The following REDIC1 variants were observed in gnomAD, a reference collection of about 807,000 sequenced individuals.
REDIC1 encodes HEI10 Interacting Protein 1.
chr12:39,681,366 A>G, the REDIC1 span, among the ~76,000 whole-genome samples: 1 of 152,220 alleles, frequency 6.6e-6, no homozygotes, highest in African/African-American at 2.4e-5. Flanking sequence ...CATTGGGTAC[A>G]GTGTACACTG....
chr12:39,716,917 A>G, the REDIC1 span: 16 of 959,600 alleles, frequency 1.7e-5, no homozygotes, highest in Non-Finnish European at 2.1e-5. Flanking sequence ...CCTTTACCCT[A>G]TAAAACTGTT....
chr12:39,799,758 T>A, the REDIC1 span, among the ~76,000 whole-genome samples: 2 of 152,212 alleles, frequency 1.3e-5, no homozygotes, highest in African/African-American at 4.8e-5. Flanking sequence ...CAAGAACGTG[T>A]TTTGAGACAA....
the REDIC1 span, among the ~76,000 whole-genome samples, chr12:39,811,660 A>T: frequency 1.3e-5 from 2 of 152,160 alleles, no homozygotes; most frequent in African/African-American, 4.8e-5. Flanking sequence ...CTATTATTAG[A>T]GGAATATACA....
At chr12:39,777,090 C>T in the REDIC1 span, among the ~76,000 whole-genome samples, 4 of 152,168 alleles carry the variant, frequency 2.6e-5, no homozygotes, top group East Asian at 1.9e-4. Context: ...GAATCATATT[C>T]GGAATCTGCG....
chr12:39,827,206 G>C, the REDIC1 span, among the ~76,000 whole-genome samples: 1 of 151,856 alleles, frequency 6.6e-6, no homozygotes, highest in Non-Finnish European at 1.5e-5. Context: ...ATTTGTTTAC[G>C]TTTCTCAACT....
the REDIC1 span, among the ~76,000 whole-genome samples, chr12:39,741,741 G>C: frequency 3.5e-4 from 53 of 152,282 alleles, no homozygotes; most frequent in Non-Finnish European, 5.4e-4. Context: ...TTAAGTGGGG[G>C]CTTATAGGTT....
the REDIC1 span, among the ~76,000 whole-genome samples, chr12:39,899,626 A>C: frequency 6.6e-6 from 1 of 152,056 alleles, no homozygotes; most frequent in Non-Finnish European, 1.5e-5. Context: ...TTAGTGCTAT[A>C]AATTTCCCTC....
chr12:39,839,025 C>T, the REDIC1 span, among the ~76,000 whole-genome samples: 1 of 152,004 alleles, frequency 6.6e-6, no homozygotes, highest in South Asian at 2.1e-4. Flanking sequence ...TAATTGTGCT[C>T]ACTCACTCCT....
the REDIC1 span, among the ~76,000 whole-genome samples, chr12:39,654,581 C>G: frequency 2.0e-5 from 3 of 150,662 alleles, no homozygotes; most frequent in South Asian, 6.3e-4. Context: ...AAGTGAGACT[C>G]TGTCTTAAAA....
chr12:39,785,577 G>A, the REDIC1 span, among the ~76,000 whole-genome samples: 3 of 152,184 alleles, frequency 2.0e-5, no homozygotes, highest in Non-Finnish European at 2.9e-5. Context: ...ACTGCCTGGT[G>A]GAGCTGTGAG....
At chr12:39,661,917 A>G in the REDIC1 span, among the ~76,000 whole-genome samples, 337 of 152,074 alleles carry the variant, frequency 2.2e-3, no homozygotes, top group Admixed American at 3.9e-3. Flanking sequence ...CCTTTCCCCA[A>G]GATATATTTG....
the REDIC1 span, among the ~76,000 whole-genome samples, chr12:39,702,419 A>C: frequency 1.3e-5 from 2 of 152,202 alleles, no homozygotes; most frequent in Admixed American, 6.5e-5. Flanking sequence ...CAATAACAGG[A>C]TCTGAAATTG....
chr12:39,641,057 C>T, the REDIC1 span: 1 of 1,291,268 alleles, frequency 7.7e-7, no homozygotes, highest in Non-Finnish European at 1.1e-6. Context: ...AAGTGCTTTT[C>T]TACCACTAAT....
At chr12:39,637,981 C>A in the REDIC1 span, among the ~76,000 whole-genome samples, 1 of 151,946 alleles carries the variant, frequency 6.6e-6, no homozygotes, top group Non-Finnish European at 1.5e-5. Context: ...CATTTGTGTT[C>A]TTTGGCATAC....
At chr12:39,712,105 T>C in the REDIC1 span, among the ~76,000 whole-genome samples, 14 of 133,722 alleles carry the variant, frequency 1.0e-4, no homozygotes, top group South Asian at 2.9e-3. Flanking sequence ...TATATACCTG[T>C]ATATATACCT....
chr12:39,895,990 A>G, the REDIC1 span, among the ~76,000 whole-genome samples: 4 of 131,804 alleles, frequency 3.0e-5, no homozygotes, highest in African/African-American at 8.7e-5. Flanking sequence ...ACATACATTC[A>G]TATATGTGTA....
At chr12:39,659,117 T>C in the REDIC1 span, among the ~76,000 whole-genome samples, 23 of 152,034 alleles carry the variant, frequency 1.5e-4, no homozygotes, top group African/African-American at 5.3e-4. Context: ...TATTTGCAAA[T>C]TTCTGTTTTT....
the REDIC1 span, among the ~76,000 whole-genome samples, chr12:39,711,215 G>A: frequency 1.0e-4 from 15 of 149,456 alleles, no homozygotes; most frequent in African/African-American, 2.5e-4. Context: ...TTATGGCTGC[G>A]TTTTTAATCT....
the REDIC1 span, among the ~76,000 whole-genome samples, chr12:39,874,186 A>T: frequency 6.6e-6 from 1 of 152,178 alleles, no homozygotes; most frequent in Non-Finnish European, 1.5e-5. Flanking sequence ...CTTGTCATAG[A>T]GGTTTGCCAG....
Sources: allele counts gnomAD v4.1 joint callset (sites outside exome capture counted in the v4.1 genomes callset), GRCh38; gene constraint gnomAD v4.1.1; transcripts MANE v1.5; gene names NCBI Gene and HGNC (gene_info 2026-07-23, HGNC 2026-07-21).